DNAJC13: variants seen among roughly 807,000 people sequenced by gnomAD.
DNAJC13 encodes DnaJ heat shock protein family (Hsp40) member C13.
In DNAJC13, 75 loss-of-function variants were observed where a neutral mutation model predicts 290.5. The ratio of observed to expected loss-of-function variants is 0.26; its 90% CI spans 0.21 to 0.31. DNAJC13 has a LOEUF of 0.31. DNAJC13 is among the 10% of genes least tolerant of loss of function. DNAJC13 has a pLI of 1.00. For missense variants in DNAJC13, 2,260 were observed against 2,674.5 expected (o/e 0.85, Z 3.42); for synonymous variants, 862 against 892.0 (o/e 0.97, Z 0.60).
intron 1 of DNAJC13, among the ~76,000 whole-genome samples, chr3:132,431,304 C>T (rs1485255638): frequency 6.6e-6 from 1 of 152,030 alleles, no homozygotes; most frequent in African/African-American, 2.4e-5. Flanking sequence ...ATAAATTGCA[C>T]ATTAGAATGT....
intron 48 of DNAJC13, among the ~76,000 whole-genome samples, chr3:132,521,359 G>A (rs1936085030): frequency 6.6e-6 from 1 of 152,188 alleles, no homozygotes; most frequent in South Asian, 2.1e-4. Context: ...GTTGCAGAGT[G>A]AGACCCTGTC....
chr3:132,527,928 C>T (rs149944337), intron 53 of DNAJC13, among the ~76,000 whole-genome samples: 25 of 152,236 alleles, frequency 1.6e-4, no homozygotes, highest in African/African-American at 5.8e-4. Flanking sequence ...TAATACTGCC[C>T]AGCTCTGTGA....
chr3:132,450,091 T>C (rs1933375548), intron 5 of DNAJC13, among the ~76,000 whole-genome samples: 1 of 152,046 alleles, frequency 6.6e-6, no homozygotes, highest in Admixed American at 6.6e-5. Flanking sequence ...TGATCAAACA[T>C]CTTGAAGATA....
intron 46 of DNAJC13, among the ~76,000 whole-genome samples, chr3:132,515,243 A>G (rs1259444958): frequency 6.6e-6 from 1 of 152,208 alleles, no homozygotes. Flanking sequence ...GTAGGCAATT[A>G]CAATATAACT....
chr3:132,491,150 T>G (rs1405589363), intron 32 of DNAJC13, 99 bp downstream of exon 32: 2 of 1,036,782 alleles, frequency 1.9e-6, no homozygotes, highest in Non-Finnish European at 1.3e-6. Context: ...TTTCACTAGG[T>G]TTATAATCTA....
intron 29 of DNAJC13, among the ~76,000 whole-genome samples, chr3:132,485,035 G>T (rs1203474690): frequency 6.6e-6 from 1 of 152,164 alleles, no homozygotes; most frequent in Admixed American, 6.5e-5. Flanking sequence ...AGTGAGCTGT[G>T]ATCATGCCAC....
intron 27 of DNAJC13, among the ~76,000 whole-genome samples, chr3:132,482,839 A>G (rs995864845): frequency 1.3e-5 from 2 of 152,090 alleles, no homozygotes; most frequent in Non-Finnish European, 2.9e-5. Context: ...AGCCTGGGCA[A>G]TGAATAGCGA....
chr3:132,502,581 G>A (rs1400586858), intron 40 of DNAJC13, 113 bp downstream of exon 40: 6 of 1,015,230 alleles, frequency 5.9e-6, no homozygotes, highest in African/African-American at 1.6e-5. Context: ...TGTTTTTCAG[G>A]AAAATTAGGT....
chr3:132,430,588 A>T (rs2107645854), intron 1 of DNAJC13, among the ~76,000 whole-genome samples: 1 of 152,190 alleles, frequency 6.6e-6, no homozygotes, highest in Admixed American at 6.5e-5. Context: ...CAGTTATTCC[A>T]ATATCTTAAG....
chr3:132,452,645 G>A (rs918165066), intron 6 of DNAJC13, among the ~76,000 whole-genome samples: 1 of 152,202 alleles, frequency 6.6e-6, no homozygotes, highest in African/African-American at 2.4e-5. Context: ...TAAAGGAAAT[G>A]CTTGTTGGGG....
intron 46 of DNAJC13, 95 bp downstream of exon 46, chr3:132,514,765 T>A: frequency 1.2e-6 from 1 of 847,934 alleles, no homozygotes; most frequent in South Asian, 1.5e-5. Flanking sequence ...ACAAATGTCA[T>A]CTATGTTTAG....
rs116242830 is a variant in DNAJC13, at chr3:132,507,934, C to T, written c.5115+581C>T. On this transcript the variant is annotated intron_variant, in intron 43 of 55. Transcript: ENST00000260818. ...AGGCTTGTCAGAAGGTTAAATAGGC[C>T]GAAAGCTATGCCTCTTGTGCCACAC... Among the ~76,000 whole-genome samples the T allele has an allele frequency of 4.4e-3, 671 of 152,232 alleles. 6 individuals carry two copies. Among genetic ancestry groups the T allele is most frequent in the African/African-American group, 0.014 (599 of 41,532 alleles).
intron 2 of DNAJC13, 71 bp from the exon 3 acceptor site, chr3:132,446,404 T>G: frequency 3.8e-6 from 4 of 1,052,754 alleles, no homozygotes; most frequent in Non-Finnish European, 5.6e-6. Flanking sequence ...GTTTGTTTTG[T>G]GTTATATATA....
At chr3:132,479,357 TTTGAG>T (rs746262658) in intron 25 of DNAJC13, 68 bp downstream of exon 25, 70 of 1,077,010 alleles carry the variant, frequency 6.5e-5, no homozygotes, top group Non-Finnish European at 7.4e-5. Context: ...AAACTCACAG[TTTGAG>T]TTGATTATCC....
chr3:132,442,257 G>A (rs1230841790), intron 2 of DNAJC13, among the ~76,000 whole-genome samples: 3 of 151,880 alleles, frequency 2.0e-5, no homozygotes, highest in Admixed American at 6.6e-5. Context: ...TCGGCCTCTC[G>A]ATGTGCTGAG....
chr3:132,494,994 A>G, intron 34 of DNAJC13, 94 bp from the exon 35 acceptor site: 1 of 801,662 alleles, frequency 1.2e-6, no homozygotes, highest in Non-Finnish European at 2.0e-6. Context: ...ACAATTCTTG[A>G]TATTAGATTC....
Position 132,461,159 on chromosome 3 carries a change from T to C in DNAJC13, c.1667T>C (p.Leu556Ser), listed in dbSNP as rs749000301. Residue 556 changes from leucine to serine, a missense_variant, in exon 15 of 56, where the codon TTG becomes TCG. Around this residue, in one of 3 missense-constraint regions of DNAJC13, gnomAD observed 762 missense variants for 964.1 expected, o/e 0.79. Coordinates refer to ENST00000260818, the MANE Select transcript of DNAJC13 (RefSeq NM_015268.4). ...GAAGGGCAGCAGTTTGATATGCTCTTGGAGATGGTAGCATCCAATGGAAGA... is the reference window on the plus strand; with the variant it reads ...GAAGGGCAGCAGTTTGATATGCTCTCGGAGATGGTAGCATCCAATGGAAGA... ...TTEGQQFDML[L>S]EMVASNGRTL... The C allele has an allele frequency of 1.6e-5, 26 of 1,614,018 alleles. No homozygotes were observed. Among genetic ancestry groups the C allele is most frequent in the Non-Finnish European group, 1.9e-5 (22 of 1,179,992 alleles).
intron 29 of DNAJC13, among the ~76,000 whole-genome samples, chr3:132,487,268 A>AT (rs1241284186): frequency 2.0e-5 from 3 of 151,868 alleles, no homozygotes; most frequent in Non-Finnish European, 2.9e-5. Flanking sequence ...TTATTTATTT[A>AT]TTTTTTGAGA....
In DNAJC13 at chr3:132,538,258, AG is replaced by A. The variant is rs763259195; in HGVS notation, c.6710del (p.Gly2237AlafsTer17). On this transcript the variant is annotated frameshift_variant, in exon 56 of 56. Transcript: ENST00000260818. LOFTEE classifies it high-confidence loss of function. ...NLPPPVDHEA[G>X]DLGYQT is the part of the protein sequence containing the mutation. ...TGCCACCTCCTGTAGACCATGAGGC[AG>A]GCGACCTTGGCTATCAGACTTGAAA... is the stretch of plus-strand genomic sequence containing the variant. The A allele has an allele frequency of 6.2e-7, 1 of 1,613,828 alleles. No homozygotes were observed. Among genetic ancestry groups the A allele is most frequent in the Non-Finnish European group, 8.5e-7 (1 of 1,179,918 alleles).
Sources: gnomAD v4.1 joint callset for allele counts (sites outside exome capture counted in the v4.1 genomes callset) on GRCh38, gnomAD v4.1.1 for gene constraint, gnomAD v4.1.1 regional missense constraint, MANE v1.5 for transcripts, NCBI Gene and HGNC (gene_info 2026-07-23, HGNC 2026-07-21) for gene names.